Variants in USH2A observed in about 807,000 individuals in gnomAD.
USH2A encodes usherin, also known as Usher syndrome 2A (autosomal recessive, mild).
Under a neutral mutation model 538.9 loss-of-function variants are expected in USH2A, and 443 were observed. The observed-to-expected ratio is 0.82, with a 90% CI of 0.76 to 0.89. The LOEUF is 0.89. Ranked by LOEUF, USH2A falls within the 40% of genes least tolerant of loss-of-function variation. USH2A has a pLI of 0.00. For missense variants in USH2A, 6,633 were observed against 6,324.8 expected (o/e 1.05, Z -1.65); for synonymous variants, 2,413 against 2,273.5 (o/e 1.06, Z -1.75).
intron 37 of USH2A, among the ~76,000 whole-genome samples, chr1:215,959,338 G>A (rs568540195): frequency 2.0e-5 from 3 of 152,026 alleles, no homozygotes; most frequent in East Asian, 1.9e-4. Context: ...CAAATAAAAA[G>A]CATCTGATTA....
chr1:216,112,965 A>G (rs1309714313), intron 21 of USH2A, among the ~76,000 whole-genome samples: 11 of 152,024 alleles, frequency 7.2e-5, no homozygotes, highest in Admixed American at 5.9e-4. Context: ...TTCTGGGTAT[A>G]TACCCAGTAA....
At chr1:216,342,204 AAAG>A (rs2038089393) in intron 4 of USH2A, among the ~76,000 whole-genome samples, 1 of 152,208 alleles carries the variant, frequency 6.6e-6, no homozygotes. Context: ...ACACTTCTCA[AAAG>A]AAGACATTAA....
Position 216,412,939 on chromosome 1 carries a change from G to A in USH2A, c.651+5575C>T, listed in dbSNP as rs78361880. Among the ~76,000 whole-genome samples the A allele has an allele frequency of 5.2e-3, 787 of 152,030 alleles. 4 individuals carry two copies. Among genetic ancestry groups the A allele is most frequent in the African/African-American group, 0.018 (762 of 41,490 alleles). ...TAACACTATATTAAACATGTTACAAGCATGTCACTATTTCATTGTATAACT... is the reference window on the plus strand; with the variant it reads ...TAACACTATATTAAACATGTTACAAACATGTCACTATTTCATTGTATAACT... On this transcript the variant is annotated intron_variant, in intron 3 of 71. Coordinates refer to ENST00000307340, the MANE Select transcript of USH2A (RefSeq NM_206933.4).
At chr1:215,717,454 G>T (rs1659517890) in intron 61 of USH2A, among the ~76,000 whole-genome samples, 1 of 152,106 alleles carries the variant, frequency 6.6e-6, no homozygotes, top group Admixed American at 6.6e-5. Context: ...AGGAGTATGG[G>T]CTAGAGTCTT....
chr1:216,242,862 T>C (rs536287526), intron 13 of USH2A, among the ~76,000 whole-genome samples: 2 of 152,310 alleles, frequency 1.3e-5, no homozygotes, highest in Non-Finnish European at 2.9e-5. Context: ...ATCATATATT[T>C]ATTTGCAAAT....
intron 3 of USH2A, among the ~76,000 whole-genome samples, chr1:216,403,378 A>C (rs889716991): frequency 6.6e-6 from 1 of 152,158 alleles, no homozygotes; most frequent in African/African-American, 2.4e-5. Context: ...AAGAAGAGCA[A>C]GAATCTCTGC....
At chr1:216,085,635 A>C (rs2032105075) in intron 24 of USH2A, among the ~76,000 whole-genome samples, 1 of 152,028 alleles carries the variant, frequency 6.6e-6, no homozygotes. Context: ...CTCTACAGGA[A>C]GGGTACTTAG....
chr1:216,382,706 T>C (rs2038941687), intron 3 of USH2A, among the ~76,000 whole-genome samples: 1 of 152,016 alleles, frequency 6.6e-6, no homozygotes, highest in Non-Finnish European at 1.5e-5. Context: ...AAGTGCATAG[T>C]GTTAAGCAAG....
At chr1:215,767,552 G>A (rs966718978) in intron 55 of USH2A, among the ~76,000 whole-genome samples, 9 of 152,100 alleles carry the variant, frequency 5.9e-5, no homozygotes, top group East Asian at 3.9e-4. Flanking sequence ...TACTTCTTTC[G>A]TATTCAGAAT....
intron 11 of USH2A, among the ~76,000 whole-genome samples, chr1:216,253,374 C>G (rs1330422058): frequency 1.3e-5 from 2 of 152,054 alleles, no homozygotes; most frequent in Non-Finnish European, 2.9e-5. Context: ...CCATGTTGGT[C>G]AGGCTGGTCC....
At chr1:215,752,114 T>C (rs1660640387) in intron 58 of USH2A, among the ~76,000 whole-genome samples, 1 of 152,144 alleles carries the variant, frequency 6.6e-6, no homozygotes, top group Non-Finnish European at 1.5e-5. Flanking sequence ...TGTGTGTATG[T>C]CTCTGTTTAA....
intron 4 of USH2A, among the ~76,000 whole-genome samples, chr1:216,354,533 G>A (rs562269200): frequency 6.6e-6 from 1 of 152,238 alleles, no homozygotes; most frequent in African/African-American, 2.4e-5. Flanking sequence ...TGAGCCAATA[G>A]ATGAAGTCTA....
rs1558027360 is a variant in USH2A, at chr1:215,627,425, C to CTTCT, written c.15519+1388_15519+1389insAGAA. Among the ~76,000 whole-genome samples the CTTCT allele has an allele frequency of 8.1e-3, 858 of 105,690 alleles. 37 individuals are homozygous for CTTCT. Among genetic ancestry groups the CTTCT allele is most frequent in the African/African-American group, 0.023 (484 of 20,642 alleles). The allele number at this position is 105,690 out of a possible 152,430, so 69.3% of individuals were successfully genotyped here. ...CCTTCCTTCCTTCCTTCCTTCCTTC[C>CTTCT]TTCCTTCCTTCCTTCCTTCCTTCCT... On this transcript the variant is annotated intron_variant, in intron 71 of 71. Coordinates refer to ENST00000307340, the MANE Select transcript of USH2A (RefSeq NM_206933.4).
intron 13 of USH2A, among the ~76,000 whole-genome samples, chr1:216,245,011 A>C (rs1287074894): frequency 6.6e-6 from 1 of 152,162 alleles, no homozygotes; most frequent in Non-Finnish European, 1.5e-5. Context: ...GTAGGAGACA[A>C]AGGACTTTGT....
At chr1:215,657,385 C>T (rs1409881869) in intron 64 of USH2A, among the ~76,000 whole-genome samples, 1 of 152,196 alleles carries the variant, frequency 6.6e-6, no homozygotes. Context: ...AAAGACAATG[C>T]AATGAATTTG....
intron 9 of USH2A, among the ~76,000 whole-genome samples, chr1:216,293,299 C>T (rs2037043375): frequency 6.6e-6 from 1 of 152,214 alleles, no homozygotes; most frequent in African/African-American, 2.4e-5. Context: ...GCTGGGATTA[C>T]AGGCGTGAGC....
At chr1:215,771,937 T>C (rs1326978375) in intron 55 of USH2A, among the ~76,000 whole-genome samples, 1 of 152,190 alleles carries the variant, frequency 6.6e-6, no homozygotes, top group Non-Finnish European at 1.5e-5. Context: ...TTTTAGTTTT[T>C]ATATTTTTCA....
At chr1:216,094,330 G>T (rs986510615) in intron 22 of USH2A, among the ~76,000 whole-genome samples, 1 of 151,822 alleles carries the variant, frequency 6.6e-6, no homozygotes. Flanking sequence ...TTTATTTAAC[G>T]AAAACAAAAC....
At chr1:216,406,110 T>C (rs2039390679) in intron 3 of USH2A, among the ~76,000 whole-genome samples, 1 of 152,184 alleles carries the variant, frequency 6.6e-6, no homozygotes, top group South Asian at 2.1e-4. Context: ...ATGGAACTTT[T>C]CTGCAACTCG....
Sources: allele counts gnomAD v4.1 joint callset (sites outside exome capture counted in the v4.1 genomes callset), GRCh38; gene constraint gnomAD v4.1.1; transcripts MANE v1.5; gene names NCBI Gene and HGNC (gene_info 2026-07-23, HGNC 2026-07-21).